Variants in CRAT observed in about 807,000 individuals in gnomAD.
CRAT encodes the protein carnitine O-acetyltransferase, also known as carnitine acetylase.
In CRAT, 66 loss-of-function variants were observed where a neutral mutation model predicts 73.7. That is an observed-to-expected ratio of 0.90 (90% CI 0.73 to 1.10). CRAT has a LOEUF of 1.10. CRAT is among the 50% of genes least tolerant of loss of function. The pLI, the probability that CRAT is intolerant of heterozygous loss-of-function variation, is 0.00. For synonymous variants in CRAT, 321 were observed against 343.2 expected (o/e 0.94, Z 0.71); for missense variants, 745 against 846.9 (o/e 0.88, Z 1.49).
chr9:129,096,317 G>A (rs1008577783), intron 12 of CRAT, among the ~76,000 whole-genome samples, 182 bp from the exon 13 acceptor site: 38 of 152,268 alleles, frequency 2.5e-4, no homozygotes, highest in African/African-American at 8.9e-4. Context: ...TCAGGGAGGG[G>A]CGGGGATTTG....
chr9:129,098,316 A>G lies in CRAT; in HGVS notation c.1261T>C (p.Phe421Leu). Reference sequence around the variant, plus strand: ...GGGCTTAGCTTCTCCGACTTGGGGAAGTCTTTTCCAAAATGGTGGAACACC... The same window carrying G: ...GGGCTTAGCTTCTCCGACTTGGGGAGGTCTTTTCCAAAATGGTGGAACACC... ...VMVFHHFGKD[F>L]PKSEKLSPDA... Residue 421 changes from phenylalanine to leucine, a missense_variant, in exon 10 of 14, where the codon TTC becomes CTC. Transcript: ENST00000318080. The G allele has an allele frequency of 1.9e-6, 3 of 1,614,010 alleles. No homozygotes were observed. The highest frequency in any genetic ancestry group is 2.5e-6 in the Non-Finnish European group (3 of 1,180,032).
intron 1 of CRAT, chr9:129,108,901 G>C (rs1848186887): frequency 8.5e-6 from 11 of 1,290,094 alleles, no homozygotes; most frequent in Non-Finnish European, 1.0e-5. Context: ...CCACTTGCCT[G>C]GGCTGGAAAG....
In CRAT at chr9:129,104,325, C is replaced by T. The variant is rs767159564; in HGVS notation, c.292-19G>A. The T allele has an allele frequency of 9.4e-6, 15 of 1,603,410 alleles. No homozygotes were observed. The highest frequency in any genetic ancestry group is 1.2e-5 in the Non-Finnish European group (14 of 1,171,046). Reference sequence around the variant, plus strand: ...CAGACAGCTGGGAAAAGTGCCAGAGCCTGTCAGGAGGGGTGCATGGGCCCT... The same window carrying T: ...CAGACAGCTGGGAAAAGTGCCAGAGTCTGTCAGGAGGGGTGCATGGGCCCT... On this transcript the variant is annotated intron_variant, in intron 2 of 13. Coordinates refer to ENST00000318080, the MANE Select transcript of CRAT (RefSeq NM_000755.5).
intron 10 of CRAT, 46 bp from the exon 11 acceptor site, chr9:129,098,194 C>T: frequency 1.9e-6 from 3 of 1,612,598 alleles, no homozygotes; most frequent in Non-Finnish European, 2.5e-6. Context: ...GCGGGCACCC[C>T]CTCCCCTGCC....
intron 6 of CRAT, 133 bp from the exon 7 acceptor site, chr9:129,100,822 C>T (rs865841834): frequency 1.4e-5 from 16 of 1,108,668 alleles, no homozygotes; most frequent in African/African-American, 6.3e-5. Context: ...GGAGACCCCC[C>T]ACCTCGCCGG....
In CRAT at chr9:129,101,911, C is replaced by T; in HGVS notation, c.777G>A (p.Trp259Ter). The change falls in exon 6 of 14, where the codon TGG (tryptophan) becomes TGA (stop). Residue 259 changes from tryptophan (W) to a stop codon, truncating the protein, a stop_gained. Coordinates refer to ENST00000318080, the MANE Select transcript of CRAT (RefSeq NM_000755.5). LOFTEE classifies it high-confidence loss of function. ...TGATGAGGGTGTTGTATGCCTTGGC[C>T]CAGGAGTTGCGGTGGTTGGAGGTGA... Reference protein sequence around the residue: ...GILTSNHRNSWAKAYNTLIKD... With the variant: ...GILTSNHRNS The T allele has an allele frequency of 2.5e-6, 4 of 1,614,094 alleles. No homozygotes were observed. The highest frequency in any genetic ancestry group is 3.4e-6 in the Non-Finnish European group (4 of 1,179,998).
At position 129,095,029 on chromosome 9, in the gene CRAT, TTGGCAGGGAG is replaced by T. The variant is rs935880183; in HGVS notation, c.*358_*367del. The T allele has an allele frequency of 7.4e-5, 21 of 283,266 alleles. No individual in the cohort carries two copies. The highest frequency in any genetic ancestry group is 4.4e-4 in the African/African-American group (20 of 45,732). The allele number at this position is 283,266 out of a possible 1,614,324, so 17.5% of individuals were successfully genotyped here. ...TACAGATGGTGGCCTGGTCATGGAG[TTGGCAGGGAG>T]TGGCCGGGGCTGAGCTGGTGAGACA... On this transcript the variant is annotated 3_prime_UTR_variant, in exon 14 of 14. Transcript: ENST00000318080.
chr9:129,096,171 G>A (rs376818176), intron 12 of CRAT, 36 bp from the exon 13 acceptor site: 1 of 1,609,404 alleles, frequency 6.2e-7, no homozygotes, highest in South Asian at 1.1e-5. Context: ...AGCAGGGGCT[G>A]TGGACCCCCG....
At chr9:129,102,705 G>T (rs1847765092) in intron 4 of CRAT, 140 bp from the exon 5 acceptor site, 2 of 1,043,172 alleles carry the variant, frequency 1.9e-6, no homozygotes, top group East Asian at 2.4e-5. Flanking sequence ...GACACCTCAG[G>T]GCTGTGCTGT....
At chr9:129,095,859 C>A in intron 13 of CRAT, 139 bp downstream of exon 13, 1 of 1,266,690 alleles carries the variant, frequency 7.9e-7, no homozygotes, top group Non-Finnish European at 1.1e-6. Context: ...GCCTGGGCTG[C>A]AGAGAGGCCC....
At chr9:129,101,113 G>C (rs1329538058) in intron 6 of CRAT, among the ~76,000 whole-genome samples, 1 of 152,162 alleles carries the variant, frequency 6.6e-6, no homozygotes, top group African/African-American at 2.4e-5. Context: ...TTCTCAGCCA[G>C]AGGACTTGGA....
In CRAT at chr9:129,098,248, C is replaced by A. The variant is rs763445094; in HGVS notation, c.1328+1G>T. ...TCCATGGGTGGGCCACAGAGGCGCA[C>A]CTGTAGTAGGCCAGCTGCAAAGCCA... On this transcript the variant is annotated splice_donor_variant, in intron 10 of 13. Transcript: ENST00000318080. LOFTEE classifies it high-confidence loss of function. 6.2e-7 allele frequency: 1 copy of A among 1,613,838 alleles called. No homozygotes were observed. The highest frequency in any genetic ancestry group is 2.2e-5 in the East Asian group (1 of 44,880).
At position 129,100,808 on chromosome 9, in the gene CRAT, A is replaced by G. The variant is rs1588449266; in HGVS notation, c.806-119T>C. ...TCTGACCCATTTGTACCTCTCTGGG[A>G]TGAGGAGACCCCCCACCTCGCCGGC... On this transcript the variant is annotated intron_variant, in intron 6 of 13. Transcript: ENST00000318080. 2.4e-6 allele frequency: 3 copies of G among 1,230,192 alleles called. No homozygotes were observed. The Middle Eastern group carries it at 7.3e-4, about 301-fold the overall frequency. The allele number at this position is 1,230,192 out of a possible 1,614,324, so 76.2% of individuals were successfully genotyped here.
At chr9:129,105,062 G>A (rs1367036273) in intron 2 of CRAT, among the ~76,000 whole-genome samples, 3 of 147,472 alleles carry the variant, frequency 2.0e-5, no homozygotes, top group East Asian at 2.0e-4. Flanking sequence ...CACTGTGCCC[G>A]GCTAATTTTT....
chr9:129,105,497 T>G (rs1404466024), intron 2 of CRAT, among the ~76,000 whole-genome samples: 3 of 152,004 alleles, frequency 2.0e-5, no homozygotes, highest in African/African-American at 7.3e-5. Flanking sequence ...ATTTTTGTAT[T>G]TTTTGCTGCA....
At chr9:129,096,350 G>A (rs750742763) in intron 12 of CRAT, among the ~76,000 whole-genome samples, 1 of 152,272 alleles carries the variant, frequency 6.6e-6, no homozygotes, top group East Asian at 1.9e-4. Context: ...GGAAAGTGCA[G>A]GGTTGTAGGG....
Position 129,095,593 on chromosome 9 carries a change from C to G in CRAT, c.1685G>C (p.Cys562Ser). Residue 562 changes from cysteine (C) to serine (S), a missense_variant, in exon 14 of 14, where the codon TGT becomes TCT. By Grantham distance (112) the Cys-to-Ser change is moderately radical. Coordinates refer to ENST00000318080, the MANE Select transcript of CRAT (RefSeq NM_000755.5). ...STSQVPAKTD[C>S]VMFFGPVVPD... ...GACCACGGGCCCGAAGAACATGACA[C>G]AGTCTGTCTTGGCAGGGACCTGGGG... is the stretch of plus-strand genomic sequence containing the variant. 6.2e-7 allele frequency: 1 copy of G among 1,613,070 alleles called. No homozygotes were observed. The highest frequency in any genetic ancestry group is 8.5e-7 in the Non-Finnish European group (1 of 1,179,946).
rs1017551961 is a variant in CRAT at position 129,109,037 on chromosome 9, C to T, written c.28-960G>A. Reference sequence around the variant, plus strand: ...AGAAGCTGCTCCACCCTCCCGAGCTCCCAGAAGTAGAGGAATGGGGAGCAG... The same window carrying T: ...AGAAGCTGCTCCACCCTCCCGAGCTTCCAGAAGTAGAGGAATGGGGAGCAG... On this transcript the variant is annotated intron_variant, in intron 1 of 13. Coordinates refer to ENST00000318080, the MANE Select transcript of CRAT (RefSeq NM_000755.5). The T allele has an allele frequency of 1.2e-5, 15 of 1,236,902 alleles. No individual in the cohort carries two copies. The African/African-American group carries it at 2.3e-4, about 19-fold the overall frequency. 76.6% of individuals were successfully genotyped at this position (1,236,902 alleles called of 1,614,324 possible).
At chr9:129,097,716 A>C (rs1847369863) in intron 11 of CRAT, 3 of 413,406 alleles carry the variant, frequency 7.3e-6, no homozygotes, top group Non-Finnish European at 1.3e-5. Flanking sequence ...CTAAAAAAAA[A>C]CAAGAAAAAA....
Sources: gnomAD v4.1 joint callset for allele counts (sites outside exome capture counted in the v4.1 genomes callset) on GRCh38, gnomAD v4.1.1 for gene constraint, MANE v1.5 for transcripts, NCBI Gene and HGNC (gene_info 2026-07-23, HGNC 2026-07-21) for gene names.